Variants in DIS3L2 observed in about 807,000 individuals in gnomAD.
The protein encoded by DIS3L2 is DIS3 like 3'-5' exoribonuclease 2.
In DIS3L2, 34 loss-of-function variants were observed where a neutral mutation model predicts 97.5. The ratio of observed to expected loss-of-function variants is 0.35; its 90% CI spans 0.27 to 0.46. The LOEUF is 0.46. Among genes scored for constraint, DIS3L2 ranks in the 20% least tolerant of loss-of-function variants. DIS3L2 has a pLI of 1.00. For synonymous variants in DIS3L2, 435 were observed against 445.2 expected (o/e 0.98, Z 0.29); for missense variants, 1,038 against 1,146.0 (o/e 0.91, Z 1.36).
At chr2:232,280,223 G>T (rs939206160) in intron 13 of DIS3L2, among the ~76,000 whole-genome samples, 14 of 152,140 alleles carry the variant, frequency 9.2e-5, no homozygotes, top group African/African-American at 3.1e-4. Flanking sequence ...TTGGTCCTAG[G>T]AGCCTTGCCA....
At chr2:232,055,202 T>G (rs1381728839) in intron 5 of DIS3L2, among the ~76,000 whole-genome samples, 1 of 152,224 alleles carries the variant, frequency 6.6e-6, no homozygotes, top group Non-Finnish European at 1.5e-5. Flanking sequence ...CTCACTATCA[T>G]TACTTTTATT....
Position 232,087,339 on chromosome 2 carries a change from G to A in DIS3L2, c.367-148G>A, listed in dbSNP as rs1046806371. On this transcript the variant is annotated intron_variant, in intron 5 of 20. Coordinates refer to ENST00000325385, the MANE Select transcript of DIS3L2 (RefSeq NM_152383.5). ...GTGCATTAGGTGGTCTGTGCTTCTG[G>A]AAAATAAAGATCCTTTTTTGAACTA... The A allele has an allele frequency of 7.9e-6, 5 of 635,810 alleles. No individual in the cohort carries two copies. The Admixed American group carries it at 8.9e-5, about 11-fold the overall frequency. The allele number at this position is 635,810 out of a possible 1,614,324, so 39.4% of individuals were successfully genotyped here.
intron 1 of DIS3L2, among the ~76,000 whole-genome samples, chr2:231,964,595 T>G (rs1192720902): frequency 6.6e-6 from 1 of 152,212 alleles, no homozygotes; most frequent in African/African-American, 2.4e-5. Context: ...CTGATGATGA[T>G]GGAGCTAAAA....
chr2:232,015,441 A>G (rs949680884), intron 2 of DIS3L2, 73 bp from the exon 3 acceptor site: 3 of 1,529,086 alleles, frequency 2.0e-6, no homozygotes, highest in African/African-American at 2.8e-5. Context: ...AATTGTAAAA[A>G]GGTATAATAT....
intron 12 of DIS3L2, among the ~76,000 whole-genome samples, chr2:232,255,758 G>A (rs761672503): frequency 6.6e-5 from 10 of 152,134 alleles, no homozygotes; most frequent in Non-Finnish European, 1.3e-4. Flanking sequence ...TCCCTGCTGT[G>A]TGCTGTACAG....
At chr2:232,013,515 A>G (rs1310319200) in intron 1 of DIS3L2, among the ~76,000 whole-genome samples, 2 of 152,162 alleles carry the variant, frequency 1.3e-5, no homozygotes, top group Non-Finnish European at 2.9e-5. Flanking sequence ...TGCCAATAGT[A>G]TGCTTTCCTC....
rs1694310291 is a variant in DIS3L2 at position 232,014,912 on chromosome 2, G to C, written c.-16G>C. 8 of 1,613,646 alleles carry C rather than the reference G, an allele frequency of 5.0e-6. No homozygotes were observed. In the Admixed American group the frequency reaches 6.7e-5, roughly 13 times the overall value. On this transcript the variant is annotated 5_prime_UTR_variant, in exon 2 of 21. Coordinates refer to ENST00000325385, the MANE Select transcript of DIS3L2 (RefSeq NM_152383.5). ...TTTCTCTGGATCTGGAGAGAAGAGT[G>C]ACCTTGGAGCCAATAATGAGCCATC...
chr2:232,169,576 T>C (rs995582087), intron 9 of DIS3L2, among the ~76,000 whole-genome samples: 4 of 152,174 alleles, frequency 2.6e-5, no homozygotes, highest in African/African-American at 9.6e-5. Context: ...TAAAGTTGTC[T>C]TCATTTTAGT....
intron 8 of DIS3L2, among the ~76,000 whole-genome samples, chr2:232,156,762 C>T (rs1042082274): frequency 1.3e-5 from 2 of 152,172 alleles, no homozygotes. Flanking sequence ...AGGTCAGCCT[C>T]ACAAACACTG....
At chr2:232,334,337 T>C in intron 17 of DIS3L2, 32 bp from the exon 18 acceptor site, 7 of 1,602,248 alleles carry the variant, frequency 4.4e-6, no homozygotes, top group East Asian at 2.2e-5. Flanking sequence ...CCCCCCAGGC[T>C]CCCACTCTCA....
At position 232,342,467 on chromosome 2, in the gene DIS3L2, A is replaced by G. The variant is rs547775456; in HGVS notation, c.1582-878A>G. On this transcript the variant is annotated intron_variant, in intron 13 of 13. Transcript: ENST00000273009. ...CTGTTTGTTTTAACAAACCTTGTAGATCTGTTTGATACTTTAAACTACATT... is the reference window on the plus strand; with the variant it reads ...CTGTTTGTTTTAACAAACCTTGTAGGTCTGTTTGATACTTTAAACTACATT... Among the ~76,000 whole-genome samples, 179 of 152,338 alleles carry G rather than the reference A, an allele frequency of 1.2e-3. 1 individual carries two copies. Among genetic ancestry groups the G allele is most frequent in the African/African-American group, 3.4e-3 (141 of 41,580 alleles).
At chr2:232,309,799 T>C (rs1695077674) in intron 14 of DIS3L2, among the ~76,000 whole-genome samples, 1 of 152,216 alleles carries the variant, frequency 6.6e-6, no homozygotes, top group Non-Finnish European at 1.5e-5. Context: ...TCAGGGCAGA[T>C]GCAGTGGTGG....
intron 13 of DIS3L2, among the ~76,000 whole-genome samples, chr2:232,267,987 G>T (rs1006118672): frequency 1.3e-5 from 2 of 152,196 alleles, no homozygotes; most frequent in Non-Finnish European, 2.9e-5. Flanking sequence ...GCCTGCTGGG[G>T]TTCTCTCTCT....
At chr2:232,105,447 A>G (rs1697332730) in intron 6 of DIS3L2, among the ~76,000 whole-genome samples, 1 of 152,158 alleles carries the variant, frequency 6.6e-6, no homozygotes, top group Non-Finnish European at 1.5e-5. Context: ...TCTGTTCTTT[A>G]TTCAAATATA....
intron 10 of DIS3L2, among the ~76,000 whole-genome samples, chr2:232,223,681 A>G (rs997906604): frequency 5.3e-5 from 8 of 152,244 alleles, no homozygotes; most frequent in African/African-American, 1.9e-4. Flanking sequence ...GGGGATAATA[A>G]TATCTAACTC....
rs1441805100 is a variant in DIS3L2, at chr2:232,249,291, C to T, written c.1370C>T (p.Pro457Leu). 1.2e-6 allele frequency: 2 copies of T among 1,614,086 alleles called. No individual in the cohort carries two copies. The highest frequency in any genetic ancestry group is 8.5e-7 in the Non-Finnish European group (1 of 1,180,042). The change falls in exon 12 of 21, where the codon CCC (proline) becomes CTC (leucine). Residue 457 changes from proline to leucine, a missense_variant. This residue lies in a region of DIS3L2 where 813 missense variants were observed against 880.1 expected (regional missense o/e 0.92). Coordinates refer to ENST00000325385, the MANE Select transcript of DIS3L2 (RefSeq NM_152383.5). ...LLCEELCSLN[P>L]MSDKLTFSVI... is the part of the protein sequence containing the mutation. ...TGTGAGGAGCTGTGCAGCCTCAACCCCATGTCCGACAAGCTGACCTTCTCT... is the reference window on the plus strand; with the variant it reads ...TGTGAGGAGCTGTGCAGCCTCAACCTCATGTCCGACAAGCTGACCTTCTCT...
intron 10 of DIS3L2, among the ~76,000 whole-genome samples, chr2:232,223,806 G>T (rs1024308883): frequency 1.3e-5 from 2 of 152,172 alleles, no homozygotes; most frequent in African/African-American, 4.8e-5. Context: ...ATTAAAATTT[G>T]CATGGGCCAC....
At position 232,015,576 on chromosome 2, in the gene DIS3L2, A is replaced by C; in HGVS notation, c.115A>C (p.Asn39His). The C allele has an allele frequency of 6.2e-7, 1 of 1,614,078 alleles. No homozygotes were observed. The highest frequency in any genetic ancestry group is 8.5e-7 in the Non-Finnish European group (1 of 1,179,968). Residue 39 changes from asparagine (N) to histidine (H), a missense_variant, in exon 3 of 21, where the codon AAC becomes CAC. This residue lies in a region of DIS3L2 where 813 missense variants were observed against 880.1 expected (regional missense o/e 0.92). Transcript: ENST00000325385. ...GASPGDKKSK[N>H]RSTRGKKKSI... is the part of the protein sequence containing the mutation. ...TTCGCCAGGTGACAAAAAGTCAAAG[A>C]ACAGGTCCACACGAGGGAAGAAAAA...
chr2:232,216,412 C>T (rs996776311), intron 10 of DIS3L2, among the ~76,000 whole-genome samples: 9 of 152,208 alleles, frequency 5.9e-5, no homozygotes, highest in African/African-American at 1.9e-4. Context: ...GGCATCAGTG[C>T]CCCTCTCATG....
Sources: gnomAD v4.1 joint callset for allele counts (sites outside exome capture counted in the v4.1 genomes callset) on GRCh38, gnomAD v4.1.1 for gene constraint, gnomAD v4.1.1 regional missense constraint, MANE v1.5 for transcripts, NCBI Gene and HGNC (gene_info 2026-07-23, HGNC 2026-07-21) for gene names.